LMOD1: variants seen among roughly 807,000 people sequenced by gnomAD.
The protein encoded by LMOD1 is leiomodin 1, also known as leiomodin-1.
LMOD1 carries 8 observed loss-of-function variants against 36.5 expected under a neutral mutation model. The observed-to-expected ratio is 0.22, with a 90% CI of 0.13 to 0.40. The LOEUF (loss-of-function observed/expected upper bound fraction) is 0.40, where lower values mean the gene tolerates loss of function less well. Among genes scored for constraint, LMOD1 ranks in the 10% least tolerant of loss-of-function variants. The probability of loss-of-function intolerance (pLI) is 1.00; values close to 1 mark genes in which losing one functional copy is unlikely to be tolerated. For synonymous variants in LMOD1, 284 were observed against 288.7 expected, an observed-to-expected ratio of 0.98 and a Z score of 0.17; for missense variants, 630 against 751.1, an observed-to-expected ratio of 0.84 and a Z score of 1.88.
intron 1 of LMOD1, among the ~76,000 whole-genome samples, chr1:201,930,936 G>T (rs1386795182): frequency 6.6e-6 from 1 of 152,182 alleles, no homozygotes; most frequent in African/African-American, 2.4e-5. Flanking sequence ...AAGACTAAAA[G>T]GTGTGTTCAG....
rs1299564071 is a variant in LMOD1, at chr1:201,923,538, T to C, written c.261+22542A>G. Among the ~76,000 whole-genome samples, 4 of 151,974 alleles carry C rather than the reference T, an allele frequency of 2.6e-5. No homozygotes were observed. The East Asian group carries it at 5.8e-4, about 22-fold the overall frequency. Reference sequence around the variant, plus strand: ...GAGTTTGAGATCAGCCTGGACAACATAGTGAGACCCTGTCTATTGAAAAAA... The same window carrying C: ...GAGTTTGAGATCAGCCTGGACAACACAGTGAGACCCTGTCTATTGAAAAAA... On this transcript the variant is annotated intron_variant, in intron 1 of 2. Transcript: ENST00000367288.
At position 201,898,055 on chromosome 1, in the gene LMOD1, C is replaced by G. The variant is rs140402660; in HGVS notation, c.*317G>C. The G allele has an allele frequency of 2.2e-5, 8 of 357,032 alleles. No homozygotes were observed. Among genetic ancestry groups the G allele is most frequent in the Non-Finnish European group, 4.1e-5 (8 of 196,116 alleles). 22.1% of individuals were successfully genotyped at this position (357,032 alleles called of 1,614,324 possible). A position where few individuals can be genotyped will look rare whatever the true frequency, so the allele number is the denominator to read the frequency against. On this transcript the variant is annotated 3_prime_UTR_variant, in exon 3 of 3. Transcript: ENST00000367288. ...TGGGACATCTTTCCTGGATCACAGG[C>G]CTTTTGCAGCTTGCCAGCTACATGG... is the stretch of plus-strand genomic sequence containing the variant.
Position 201,900,493 on chromosome 1 carries a change from T to C in LMOD1, c.520A>G (p.Lys174Glu). The C allele has an allele frequency of 1.9e-6, 3 of 1,613,550 alleles. No individual in the cohort carries two copies. Among genetic ancestry groups the C allele is most frequent in the Non-Finnish European group, 2.5e-6 (3 of 1,179,760 alleles). Residue 174 changes from lysine to glutamate, a missense_variant, in exon 2 of 3, where the codon AAG becomes GAG. Transcript: ENST00000367288. ...GCCCTCTCCTCTCCTCTCCCATCCT[T>C]CCCTGCCTCCTTCTTATCCACTGCA... ...RAAVDKKEAG[K>E]DGRGEERAVA... is the part of the protein sequence containing the mutation.
At chr1:201,914,245 A>C (rs1681561757) in intron 1 of LMOD1, among the ~76,000 whole-genome samples, 1 of 152,200 alleles carries the variant, frequency 6.6e-6, no homozygotes, top group East Asian at 1.9e-4. Context: ...AGAGTAGCCC[A>C]CACCCCACGT....
chr1:201,942,840 G>C lies in LMOD1; in HGVS notation c.261+3240C>G, dbSNP rs181910227. On this transcript the variant is annotated intron_variant, in intron 1 of 2. Transcript: ENST00000367288. ...ATACCCCCACCCAGATTATTTTAAGGCTAATTCCCAAAGCCAATAAATTTT... is the reference window on the plus strand; with the variant it reads ...ATACCCCCACCCAGATTATTTTAAGCCTAATTCCCAAAGCCAATAAATTTT... Among the ~76,000 whole-genome samples the C allele has an allele frequency of 1.4e-3, 213 of 151,986 alleles. 2 individuals are homozygous for C. The highest frequency in any genetic ancestry group is 4.8e-3 in the African/African-American group (199 of 41,448).
chr1:201,919,104 G>A (rs978888102), intron 1 of LMOD1, among the ~76,000 whole-genome samples: 1 of 151,980 alleles, frequency 6.6e-6, no homozygotes, highest in Non-Finnish European at 1.5e-5. Context: ...TGCTCAGGCT[G>A]GTCTCAAACT....
intron 1 of LMOD1, among the ~76,000 whole-genome samples, chr1:201,910,504 G>C (rs11586433): frequency 0.2 from 31,010 of 151,814 alleles, 3,333 homozygotes; most frequent in South Asian, 0.25. Context: ...GTCTGGTCTC[G>C]AACTCCTGTG....
At chr1:201,941,790 T>G (rs1682122678) in intron 1 of LMOD1, among the ~76,000 whole-genome samples, 1 of 152,138 alleles carries the variant, frequency 6.6e-6, no homozygotes, top group Admixed American at 6.5e-5. Flanking sequence ...CTTCTCGAGT[T>G]TACCTCTAGG....
intron 1 of LMOD1, among the ~76,000 whole-genome samples, chr1:201,921,104 C>T (rs796481579): frequency 5.3e-5 from 8 of 151,942 alleles, no homozygotes; most frequent in South Asian, 2.1e-4. Flanking sequence ...ATAACCATGG[C>T]GGGGAATATG....
chr1:201,931,803 G>A (rs1310570243), intron 1 of LMOD1, among the ~76,000 whole-genome samples: 1 of 151,890 alleles, frequency 6.6e-6, no homozygotes, highest in East Asian at 1.9e-4. Flanking sequence ...TTGGGAGGCT[G>A]AGGTGGGATG....
chr1:201,929,934 G>C (rs976768295), intron 1 of LMOD1, among the ~76,000 whole-genome samples: 2 of 152,226 alleles, frequency 1.3e-5, no homozygotes, highest in Admixed American at 6.5e-5. Context: ...ACTTAGGCTG[G>C]GGGGGTCCGG....
At chr1:201,903,101 G>T (rs959360171) in intron 1 of LMOD1, among the ~76,000 whole-genome samples, 1 of 152,154 alleles carries the variant, frequency 6.6e-6, no homozygotes, top group Non-Finnish European at 1.5e-5. Context: ...GCTCTCTGTC[G>T]CACTCTCGGG....
intron 1 of LMOD1, among the ~76,000 whole-genome samples, chr1:201,916,374 C>T (rs982494564): frequency 2.7e-4 from 41 of 151,902 alleles, no homozygotes; most frequent in African/African-American, 8.7e-4. Context: ...ATTAGCCAGG[C>T]GTGGTGGCAT....
chr1:201,935,319 CTT>C (rs35542093), intron 1 of LMOD1, among the ~76,000 whole-genome samples: 57 of 138,130 alleles, frequency 4.1e-4, no homozygotes, highest in East Asian at 2.1e-3. Context: ...ATTTGATGTC[CTT>C]TTTTTTTTTT....
intron 1 of LMOD1, among the ~76,000 whole-genome samples, chr1:201,924,268 G>T (rs1175063424): frequency 6.7e-6 from 1 of 148,918 alleles, no homozygotes; most frequent in African/African-American, 2.5e-5. Flanking sequence ...AGCTTGCAGT[G>T]AGCCGAGATA....
At chr1:201,927,850 C>T (rs1315109845) in intron 1 of LMOD1, among the ~76,000 whole-genome samples, 13 of 152,170 alleles carry the variant, frequency 8.5e-5, no homozygotes, top group Admixed American at 4.6e-4. Flanking sequence ...AGAATGGGAC[C>T]AGCTAGAATC....
chr1:201,901,571 TATATATATATATAC>T (rs1681314165), intron 1 of LMOD1, among the ~76,000 whole-genome samples: 1 of 28,670 alleles, frequency 3.5e-5, no homozygotes, highest in Non-Finnish European at 6.3e-5. Flanking sequence ...TATGTATATA[TATATATATATATAC>T]ATATATATAT....
intron 1 of LMOD1, among the ~76,000 whole-genome samples, chr1:201,903,285 A>G (rs1681360533): frequency 6.6e-6 from 1 of 152,212 alleles, no homozygotes; most frequent in South Asian, 2.1e-4. Flanking sequence ...ATAAGCAGCC[A>G]AGGGGCACAG....
In LMOD1 at chr1:201,946,388, G is replaced by A; in HGVS notation, c.-48C>T. Reference sequence around the variant, plus strand: ...GCCAGGGGCTATCAGAGTCCTGGTGGGCAGGGAAGGGAGAGGGGTGAGCTG... The same window carrying A: ...GCCAGGGGCTATCAGAGTCCTGGTGAGCAGGGAAGGGAGAGGGGTGAGCTG... On this transcript the variant is annotated 5_prime_UTR_variant, in exon 1 of 3. Transcript: ENST00000367288. 1 of 1,591,498 alleles carries A rather than the reference G, an allele frequency of 6.3e-7. No individual in the cohort carries two copies. The highest frequency in any genetic ancestry group is 2.2e-5 in the East Asian group (1 of 44,650).
Sources: allele counts gnomAD v4.1 joint callset (sites outside exome capture counted in the v4.1 genomes callset), GRCh38; gene constraint gnomAD v4.1.1; transcripts MANE v1.5; gene names NCBI Gene and HGNC (gene_info 2026-07-23, HGNC 2026-07-21).